Variants in NBEA observed in about 807,000 individuals in gnomAD.
The protein encoded by NBEA is lysosomal-trafficking regulator 2.
A neutral mutation model predicts 343.4 loss-of-function variants in NBEA; 44 were observed. That is an observed-to-expected ratio of 0.13 (90% CI 0.10 to 0.16). The LOEUF (loss-of-function observed/expected upper bound fraction) is 0.16. NBEA is among the 10% of genes least tolerant of loss of function. NBEA has a pLI of 1.00. For missense variants in NBEA, 2,555 were observed against 3,631.3 expected, an observed-to-expected ratio of 0.70 and a Z score of 7.62; for synonymous variants, 1,175 against 1,238.7, an observed-to-expected ratio of 0.95 and a Z score of 1.08.
chr13:35,204,507 G>T (rs1330485150), intron 31 of NBEA, among the ~76,000 whole-genome samples: 1 of 151,988 alleles, frequency 6.6e-6, no homozygotes, highest in Non-Finnish European at 1.5e-5. Context: ...GGAAAGACCG[G>T]CCCTCGTGAT....
At chr13:35,047,061 G>T (rs1313941715) in intron 4 of NBEA, among the ~76,000 whole-genome samples, 2 of 151,918 alleles carry the variant, frequency 1.3e-5, no homozygotes, top group Non-Finnish European at 2.9e-5. Context: ...AATATTCCCT[G>T]TTTTAAAAAG....
At chr13:35,400,309 A>T (rs1396168580) in intron 38 of NBEA, among the ~76,000 whole-genome samples, 2 of 151,090 alleles carry the variant, frequency 1.3e-5, no homozygotes, top group African/African-American at 4.9e-5. Context: ...TATATGATTT[A>T]TTGAGCCTCC....
intron 48 of NBEA, among the ~76,000 whole-genome samples, chr13:35,608,725 T>C (rs1244477423): frequency 6.6e-6 from 1 of 152,232 alleles, no homozygotes; most frequent in Admixed American, 6.5e-5. Flanking sequence ...CAATAGTTGT[T>C]GGACCAATGC....
chr13:35,318,665 C>G (rs778321913), intron 36 of NBEA, among the ~76,000 whole-genome samples: 5 of 152,134 alleles, frequency 3.3e-5, no homozygotes, highest in Admixed American at 1.3e-4. Flanking sequence ...GGAATAGTTT[C>G]AGAAGGAATG....
At chr13:35,182,650 A>C in intron 29 of NBEA, 122 bp downstream of exon 29, 1 of 913,748 alleles carries the variant, frequency 1.1e-6, no homozygotes, top group Non-Finnish European at 1.6e-6. Context: ...AATGGTTGGT[A>C]TAGAAATGCT....
chr13:35,109,438 C>A lies in NBEA; in HGVS notation c.1829C>A (p.Ala610Glu), dbSNP rs1773202880. The change falls in exon 12 of 59, where the codon GCA becomes GAA. Residue 610 changes from alanine to glutamate, a missense_variant. By Grantham distance (107) the Ala-to-Glu change is moderately radical. Coordinates refer to ENST00000379939, the MANE Select transcript of NBEA (RefSeq NM_001385012.1). ...CCAGCCATCTGGATACATACACCTGCAAAGGTATGAATTTTATACTTATTC... is the reference window on the plus strand; with the variant it reads ...CCAGCCATCTGGATACATACACCTGAAAAGGTATGAATTTTATACTTATTC... ...FNPAIWIHTPAKVQLSLYTYL... is the reference protein window; with the variant it reads ...FNPAIWIHTPEKVQLSLYTYL... The A allele has an allele frequency of 6.2e-7, 1 of 1,603,492 alleles. No individual in the cohort carries two copies. The highest frequency in any genetic ancestry group is 8.5e-7 in the Non-Finnish European group (1 of 1,175,982).
chr13:35,389,738 TTGTAA>T (rs1275782013), intron 38 of NBEA, among the ~76,000 whole-genome samples: 1 of 152,140 alleles, frequency 6.6e-6, no homozygotes, highest in Non-Finnish European at 1.5e-5. Flanking sequence ...GATAGAATCC[TTGTAA>T]TGGAACCATT....
At chr13:35,553,907 T>C (rs978616385) in intron 43 of NBEA, among the ~76,000 whole-genome samples, 1 of 152,168 alleles carries the variant, frequency 6.6e-6, no homozygotes, top group Non-Finnish European at 1.5e-5. Flanking sequence ...GCTGCATCTT[T>C]TTCAGTGACA....
Position 35,671,091 on chromosome 13 carries a change from C to T in NBEA, c.*100C>T, listed in dbSNP as rs892597739. ...GAAAAAACTCGTCTACATCGACCTC[C>T]GTTTGTACATTCCATCACACCCAGC... On this transcript the variant is annotated 3_prime_UTR_variant, in exon 59 of 59. Transcript: ENST00000379939. 1.5e-5 allele frequency: 11 copies of T among 744,434 alleles called. No homozygotes were observed. Among genetic ancestry groups the T allele is most frequent in the South Asian group, 9.7e-5 (6 of 61,584 alleles). 46.1% of individuals were successfully genotyped at this position (744,434 alleles called of 1,614,324 possible).
In NBEA at chr13:34,942,963, C is replaced by T. The variant is rs1241309047; in HGVS notation, c.143C>T (p.Ala48Val). The T allele has an allele frequency of 2.5e-6, 4 of 1,598,812 alleles. No individual in the cohort carries two copies. The highest frequency in any genetic ancestry group is 2.3e-5 in the East Asian group (1 of 43,060). ...GGSGMGELRG[A>V]SGSGSVMLPA... Reference sequence around the variant, plus strand: ...AGCGGGATGGGGGAGCTAAGGGGGGCGTCCGGCTCCGGCTCGGTGATGCTC... The same window carrying T: ...AGCGGGATGGGGGAGCTAAGGGGGGTGTCCGGCTCCGGCTCGGTGATGCTC... The change falls in exon 1 of 59, where the codon GCG becomes GTG. Residue 48 changes from alanine (A) to valine (V), a missense_variant. This residue lies in a region of NBEA where 122 missense variants were observed against 91.0 expected (regional missense o/e 1.34). Coordinates refer to ENST00000379939, the MANE Select transcript of NBEA (RefSeq NM_001385012.1).
At chr13:35,615,829 A>G (rs2082717369) in intron 48 of NBEA, among the ~76,000 whole-genome samples, 1 of 152,136 alleles carries the variant, frequency 6.6e-6, no homozygotes, top group South Asian at 2.1e-4. Context: ...GGAAGAGATG[A>G]GAATTCAGCA....
intron 1 of NBEA, among the ~76,000 whole-genome samples, chr13:35,023,555 A>C (rs2061917923): frequency 6.6e-6 from 1 of 152,174 alleles, no homozygotes; most frequent in Non-Finnish European, 1.5e-5. Context: ...AGATGATCTC[A>C]TCAAGGAGGT....
At chr13:35,031,053 T>G (rs958102791) in intron 1 of NBEA, among the ~76,000 whole-genome samples, 7 of 151,652 alleles carry the variant, frequency 4.6e-5, no homozygotes, top group African/African-American at 1.7e-4. Flanking sequence ...GTTTAGGAGA[T>G]TCATCTAAAA....
intron 38 of NBEA, among the ~76,000 whole-genome samples, chr13:35,352,637 G>A (rs2040253152): frequency 6.6e-6 from 1 of 152,020 alleles, no homozygotes; most frequent in Non-Finnish European, 1.5e-5. Flanking sequence ...GGTATGAGAA[G>A]TGGCTCTTTT....
chr13:34,963,627 T>C (rs2059729012), intron 1 of NBEA, among the ~76,000 whole-genome samples: 1 of 151,954 alleles, frequency 6.6e-6, no homozygotes, highest in Non-Finnish European at 1.5e-5. Flanking sequence ...CCTGTAAAAA[T>C]GACAGTTTTC....
At chr13:35,053,761 G>A (rs1197713906) in intron 6 of NBEA, among the ~76,000 whole-genome samples, 1 of 152,060 alleles carries the variant, frequency 6.6e-6, no homozygotes, top group Admixed American at 6.6e-5. Flanking sequence ...CAAAATAGCA[G>A]TTTAGTCAAT....
intron 41 of NBEA, among the ~76,000 whole-genome samples, chr13:35,499,417 G>A (rs150016588): frequency 6.6e-6 from 1 of 152,172 alleles, no homozygotes; most frequent in East Asian, 1.9e-4. Context: ...CTTGGAGTCC[G>A]TGTTGATGCC....
chr13:35,051,517 TA>T (rs1160616891), intron 6 of NBEA, among the ~76,000 whole-genome samples: 1 of 152,020 alleles, frequency 6.6e-6, no homozygotes, highest in African/African-American at 2.4e-5. Flanking sequence ...TAATGTCAGT[TA>T]TTGTCATTTC....
At chr13:35,507,823 T>C (rs533501242) in intron 41 of NBEA, among the ~76,000 whole-genome samples, 1 of 152,302 alleles carries the variant, frequency 6.6e-6, no homozygotes, top group South Asian at 2.1e-4. Context: ...TGATTGAACG[T>C]GTTGCAATGG....
Sources: gnomAD v4.1 joint callset for allele counts (sites outside exome capture counted in the v4.1 genomes callset) on GRCh38, gnomAD v4.1.1 for gene constraint, gnomAD v4.1.1 regional missense constraint, MANE v1.5 for transcripts, NCBI Gene and HGNC (gene_info 2026-07-23, HGNC 2026-07-21) for gene names.